LRBA: variants seen among roughly 807,000 people sequenced by gnomAD.
LRBA encodes the protein lipopolysaccharide-responsive and beige-like anchor protein.
A neutral mutation model predicts 330.0 loss-of-function variants in LRBA; 176 were observed. The observed-to-expected ratio is 0.53, with a 90% CI of 0.47 to 0.60. The LOEUF (loss-of-function observed/expected upper bound fraction) is 0.60, where lower values mean the gene tolerates loss of function less well. LRBA is among the 20% of genes least tolerant of loss of function. The probability of loss-of-function intolerance (pLI) is 0.00; values close to 1 mark genes in which losing one functional copy is unlikely to be tolerated. For missense variants in LRBA, 3,259 were observed against 3,444.8 expected, an observed-to-expected ratio of 0.95 and a Z score of 1.35; for synonymous variants, 1,230 against 1,193.0, an observed-to-expected ratio of 1.03 and a Z score of -0.64.
chr4:150,590,585 G>A, intron 39 of LRBA, 128 bp downstream of exon 39: 1 of 747,122 alleles, frequency 1.3e-6, no homozygotes, highest in East Asian at 2.6e-5. Flanking sequence ...GGAAGTATTT[G>A]AAATAACCAA....
chr4:150,442,436 G>C (rs1302340858), intron 44 of LRBA, among the ~76,000 whole-genome samples: 1 of 152,184 alleles, frequency 6.6e-6, no homozygotes, highest in African/African-American at 2.4e-5. Context: ...TCAGGAAAGG[G>C]AGGCAAAAGA....
chr4:150,760,347 T>C (rs757083192), intron 35 of LRBA, among the ~76,000 whole-genome samples: 2 of 152,188 alleles, frequency 1.3e-5, no homozygotes, highest in Non-Finnish European at 2.9e-5. Flanking sequence ...CATGAAAATG[T>C]ATCTCTATGT....
At chr4:150,989,921 C>A (rs917756583) in intron 2 of LRBA, among the ~76,000 whole-genome samples, 1 of 151,552 alleles carries the variant, frequency 6.6e-6, no homozygotes, top group East Asian at 1.9e-4. Context: ...GCCAGGAGTT[C>A]GAGACCAGCC....
At chr4:150,489,273 AT>A (rs1758435668) in intron 41 of LRBA, among the ~76,000 whole-genome samples, 1 of 58,816 alleles carries the variant, frequency 1.7e-5, no homozygotes, top group African/African-American at 7.3e-5. Flanking sequence ...AGAATATATA[AT>A]ATATTATATA....
At chr4:150,426,083 T>C (rs191108262) in intron 46 of LRBA, among the ~76,000 whole-genome samples, 355 of 152,148 alleles carry the variant, frequency 2.3e-3, no homozygotes, top group Middle Eastern at 0.014. Flanking sequence ...TAGCCCATAA[T>C]AAAACTTTTA....
intron 34 of LRBA, among the ~76,000 whole-genome samples, chr4:150,786,608 C>A (rs917713804): frequency 6.6e-6 from 1 of 152,094 alleles, no homozygotes; most frequent in Non-Finnish European, 1.5e-5. Flanking sequence ...ACTCAAGGGT[C>A]CTGTAGCCCT....
rs143491530 is a variant in LRBA at position 150,784,807 on chromosome 4, G to A, written c.5580+13274C>T. Among the ~76,000 whole-genome samples, 99 of 152,134 alleles carry A rather than the reference G, an allele frequency of 6.5e-4. 2 individuals are homozygous for A. The highest frequency in any genetic ancestry group is 2.2e-3 in the African/African-American group (91 of 41,496). ...GTCATTTTATCTAAACTGGCATGAG[G>A]ATCAAGAACCCTGGTGTTCCTCCAC... On this transcript the variant is annotated intron_variant, in intron 34 of 56. Coordinates refer to ENST00000651943, the MANE Select transcript of LRBA (RefSeq NM_001364905.1).
chr4:150,840,502 C>A (rs1748907759), intron 28 of LRBA: 1 of 152,200 alleles, frequency 6.6e-6, no homozygotes, highest in African/African-American at 2.4e-5. Flanking sequence ...AGGGTAAAGG[C>A]CCCTCCCAAG....
At chr4:150,809,473 T>C (rs187206040) in intron 31 of LRBA, among the ~76,000 whole-genome samples, 28 of 152,178 alleles carry the variant, frequency 1.8e-4, no homozygotes, top group Non-Finnish European at 3.5e-4. Flanking sequence ...CAAAGGACAA[T>C]GAAGCCAGCT....
chr4:150,636,972 A>G lies in LRBA; in HGVS notation c.5922-37841T>C, dbSNP rs184829958. On this transcript the variant is annotated intron_variant, in intron 37 of 56. Transcript: ENST00000651943. ...TTAAGTTTATTTTTTGATGCCAATA[A>G]TATGTCTAGAAGGGACTAGACTAAA... Among the ~76,000 whole-genome samples, 4 of 152,264 alleles carry G rather than the reference A, an allele frequency of 2.6e-5. No individual in the cohort carries two copies. In the East Asian group the frequency reaches 5.8e-4, roughly 22 times the overall value.
At chr4:150,633,533 A>T (rs370214308) in intron 37 of LRBA, among the ~76,000 whole-genome samples, 6 of 152,348 alleles carry the variant, frequency 3.9e-5, no homozygotes, top group African/African-American at 1.4e-4. Flanking sequence ...AGTCCCCTTC[A>T]ATGTGAAAGG....
intron 2 of LRBA, chr4:151,012,662 T>G (rs1744984145): frequency 6.6e-6 from 1 of 152,228 alleles, no homozygotes; most frequent in African/African-American, 2.4e-5. Flanking sequence ...ATTCTATTTT[T>G]GCATATATTT....
intron 4 of LRBA, among the ~76,000 whole-genome samples, chr4:150,925,622 A>G (rs1253293240): frequency 2.6e-5 from 4 of 152,200 alleles, no homozygotes; most frequent in Non-Finnish European, 4.4e-5. Flanking sequence ...GAAGGTGACA[A>G]TATCAATACT....
intron 2 of LRBA, among the ~76,000 whole-genome samples, chr4:150,972,678 CAT>C: frequency 6.6e-6 from 1 of 152,270 alleles, no homozygotes; most frequent in Middle Eastern, 3.4e-3. Context: ...CAAAGAAAAA[CAT>C]GTACTACTTT....
At chr4:150,703,640 T>C (rs1053151268) in intron 36 of LRBA, among the ~76,000 whole-genome samples, 2 of 152,174 alleles carry the variant, frequency 1.3e-5, no homozygotes, top group Non-Finnish European at 2.9e-5. Context: ...AAATTGCTAA[T>C]GTAACGTCCA....
At chr4:150,946,945 A>G (rs1477776012) in intron 2 of LRBA, among the ~76,000 whole-genome samples, 4 of 151,846 alleles carry the variant, frequency 2.6e-5, no homozygotes, top group African/African-American at 9.7e-5. Context: ...GGAATACTGC[A>G]AACAACTCTA....
intron 40 of LRBA, among the ~76,000 whole-genome samples, chr4:150,557,012 G>A (rs953210061): frequency 6.6e-6 from 1 of 152,150 alleles, no homozygotes; most frequent in Non-Finnish European, 1.5e-5. Context: ...CCCACATCTT[G>A]GTTTCTAATA....
At chr4:150,812,031 C>A (rs1360461797) in intron 31 of LRBA, among the ~76,000 whole-genome samples, 9 of 151,910 alleles carry the variant, frequency 5.9e-5, no homozygotes, top group Non-Finnish European at 1.2e-4. Context: ...ATAAATTAAC[C>A]AGCAATAGTT....
At chr4:150,474,993 C>G (rs1230807970) in intron 42 of LRBA, among the ~76,000 whole-genome samples, 1 of 152,088 alleles carries the variant, frequency 6.6e-6, no homozygotes, top group Non-Finnish European at 1.5e-5. Context: ...AGTTTTTAAT[C>G]ATGAATGTGT....
Sources: gnomAD v4.1 joint callset for allele counts (sites outside exome capture counted in the v4.1 genomes callset) on GRCh38, gnomAD v4.1.1 for gene constraint, MANE v1.5 for transcripts, NCBI Gene and HGNC (gene_info 2026-07-23, HGNC 2026-07-21) for gene names.